Variants in CLDN10 observed in about 807,000 individuals in gnomAD.
CLDN10 encodes claudin 10.
In CLDN10, 15 loss-of-function variants were observed where a neutral mutation model predicts 22.9. The observed-to-expected ratio is 0.65, with a 90% confidence interval of 0.44 to 1.01. The LOEUF is 1.01. CLDN10 is among the 50% of genes least tolerant of loss of function. CLDN10 has a pLI of 0.00. For missense variants in CLDN10, 247 were observed against 287.8 expected, an observed-to-expected ratio of 0.86 and a Z score of 1.03; for synonymous variants, 114 against 111.4, an observed-to-expected ratio of 1.02 and a Z score of -0.15.
At position 95,468,736 on chromosome 13, in the gene CLDN10, A is replaced by T. The variant is rs961920592; in HGVS notation, c.214+34689A>T. 2.6e-5 allele frequency among the ~76,000 whole-genome samples: 4 copies of T among 152,160 alleles called. No homozygotes were observed. In the East Asian group the frequency reaches 5.8e-4, roughly 22 times the overall value. The stretch of plus-strand genomic sequence containing the variant: ...GTGAGACCCTGTCTCAAAAAAAAAA[A>T]TGAAGAAAGAAAACGGCCTGGGTGC... On this transcript the variant is annotated intron_variant, in intron 1 of 4. Coordinates refer to the CLDN10 transcript ENST00000376873.
intron 4 of CLDN10, 128 bp downstream of exon 4, chr13:95,577,466 T>G (rs1251473688): frequency 4.5e-6 from 3 of 666,112 alleles, no homozygotes; most frequent in Non-Finnish European, 7.8e-6. Flanking sequence ...TGGAAAAGGT[T>G]AGCAGTACAG....
chr13:95,490,958 G>A lies in CLDN10; in HGVS notation c.214+56911G>A, dbSNP rs559725234. ...GAGCTCCAGTGTTAGGTGCATATAT[G>A]TTTAGGATTGTGATAGCTTCCTGTT... On this transcript the variant is annotated intron_variant, in intron 1 of 4. Coordinates refer to the CLDN10 transcript ENST00000376873. 5.3e-5 allele frequency among the ~76,000 whole-genome samples: 8 copies of A among 152,264 alleles called. No homozygotes were observed. The East Asian group carries it at 1.5e-3, about 29-fold the overall frequency.
At chr13:95,564,495 A>G (rs900723667) in intron 3 of CLDN10, among the ~76,000 whole-genome samples, 4 of 152,196 alleles carry the variant, frequency 2.6e-5, no homozygotes, top group African/African-American at 9.7e-5. Context: ...TGGTGAGCAA[A>G]TACTTGCTCT....
chr13:95,475,812 C>CTGTCTCTCTG (rs2042680418), intron 1 of CLDN10, among the ~76,000 whole-genome samples: 1 of 152,082 alleles, frequency 6.6e-6, no homozygotes, highest in African/African-American at 2.4e-5. Flanking sequence ...CTGTCTCTCT[C>CTGTCTCTCTG]TGTCCCTCTC....
At chr13:95,456,755 C>T (rs1156365372) in intron 1 of CLDN10, among the ~76,000 whole-genome samples, 2 of 152,096 alleles carry the variant, frequency 1.3e-5, no homozygotes, top group African/African-American at 2.4e-5. Flanking sequence ...AGACCCTGCA[C>T]AAAACGAAAC....
intron 1 of CLDN10, among the ~76,000 whole-genome samples, chr13:95,485,691 T>C (rs147280231): frequency 9.2e-5 from 14 of 152,342 alleles, no homozygotes; most frequent in South Asian, 2.1e-4. Context: ...ACTTGTGTTT[T>C]TGGCATACTC....
At chr13:95,486,815 T>G (rs1214897861) in intron 1 of CLDN10, among the ~76,000 whole-genome samples, 1 of 152,184 alleles carries the variant, frequency 6.6e-6, no homozygotes, top group Non-Finnish European at 1.5e-5. Flanking sequence ...TGTGAGCTCT[T>G]TGGGGAGGCA....
intron 1 of CLDN10, among the ~76,000 whole-genome samples, chr13:95,538,511 T>C (rs1478053289): frequency 6.6e-6 from 1 of 152,198 alleles, no homozygotes; most frequent in Non-Finnish European, 1.5e-5. Context: ...GTGATATCAA[T>C]TGATTCATCA....
intron 1 of CLDN10, among the ~76,000 whole-genome samples, chr13:95,510,781 A>T (rs1446503118): frequency 6.6e-6 from 1 of 152,204 alleles, no homozygotes; most frequent in Non-Finnish European, 1.5e-5. Flanking sequence ...TTGATAATTC[A>T]TAAATTATAT....
intron 1 of CLDN10, among the ~76,000 whole-genome samples, chr13:95,472,499 T>C (rs2042643130): frequency 6.6e-6 from 1 of 151,696 alleles, no homozygotes; most frequent in Admixed American, 6.6e-5. Flanking sequence ...GTGTCCAACA[T>C]GGCTCTACTT....
chr13:95,568,379 C>A (rs1343517532), intron 3 of CLDN10, among the ~76,000 whole-genome samples: 1 of 152,120 alleles, frequency 6.6e-6, no homozygotes, highest in Non-Finnish European at 1.5e-5. Flanking sequence ...CTAGCATGAC[C>A]TAAAAATCTG....
At position 95,484,958 on chromosome 13, in the gene CLDN10, C is replaced by T. The variant is rs573870899; in HGVS notation, c.214+50911C>T. Reference sequence around the variant, plus strand: ...TATTTAGTTTGATTTAGTTTGCCTCCACTTCACCCCACTGGTGAGGGAGGG... The same window carrying T: ...TATTTAGTTTGATTTAGTTTGCCTCTACTTCACCCCACTGGTGAGGGAGGG... On this transcript the variant is annotated intron_variant, in intron 1 of 4. Coordinates refer to the CLDN10 transcript ENST00000376873. 4.6e-5 allele frequency among the ~76,000 whole-genome samples: 7 copies of T among 151,664 alleles called. No homozygotes were observed. The South Asian group carries it at 6.3e-4, about 14-fold the overall frequency.
chr13:95,438,446 C>T (rs1243464180), intron 1 of CLDN10, among the ~76,000 whole-genome samples: 1 of 152,150 alleles, frequency 6.6e-6, no homozygotes, highest in Non-Finnish European at 1.5e-5. Flanking sequence ...TGACCAGCTT[C>T]CTGTGTTCCT....
chr13:95,513,460 T>A (rs1245949877), intron 1 of CLDN10, among the ~76,000 whole-genome samples: 1 of 152,198 alleles, frequency 6.6e-6, no homozygotes, highest in African/African-American at 2.4e-5. Context: ...TCCTTCCATG[T>A]CATATTGTAT....
At chr13:95,508,948 T>C (rs1023662623) in intron 1 of CLDN10, among the ~76,000 whole-genome samples, 5 of 152,190 alleles carry the variant, frequency 3.3e-5, no homozygotes, top group Non-Finnish European at 5.9e-5. Flanking sequence ...TAGAAAACTT[T>C]GAGGAAACCC....
intron 1 of CLDN10, among the ~76,000 whole-genome samples, chr13:95,453,235 C>G (rs970677977): frequency 6.6e-6 from 1 of 152,216 alleles, no homozygotes; most frequent in Non-Finnish European, 1.5e-5. Context: ...CTAAACATCT[C>G]TTCCCTATCA....
chr13:95,567,213 G>T (rs1437783170), intron 3 of CLDN10, among the ~76,000 whole-genome samples: 2 of 152,178 alleles, frequency 1.3e-5, no homozygotes, highest in Non-Finnish European at 2.9e-5. Context: ...ACCTTGGGCA[G>T]TATGGCCATT....
intron 1 of CLDN10, among the ~76,000 whole-genome samples, chr13:95,501,734 G>A (rs1368291368): frequency 6.6e-6 from 1 of 152,008 alleles, no homozygotes; most frequent in Admixed American, 6.6e-5. Context: ...AAAAAATCTA[G>A]TCTAATAATC....
chr13:95,577,766 A>G (rs757938207), intron 4 of CLDN10, 134 bp from the exon 5 acceptor site: 7 of 579,210 alleles, frequency 1.2e-5, no homozygotes, highest in Non-Finnish European at 2.1e-5. Context: ...GGGCAAGAGG[A>G]GAGAAGAAAG....
Sources: allele counts gnomAD v4.1 joint callset (sites outside exome capture counted in the v4.1 genomes callset), GRCh38; gene constraint gnomAD v4.1.1; transcripts MANE v1.5; gene names NCBI Gene and HGNC (gene_info 2026-07-23, HGNC 2026-07-21).